ARHGEF3: variants seen among roughly 807,000 people sequenced by gnomAD.
The protein encoded by ARHGEF3 is Rho guanine nucleotide exchange factor 3, also known as 59.8 kDA protein.
A neutral mutation model predicts 63.2 loss-of-function variants in ARHGEF3; 28 were observed. The ratio of observed to expected loss-of-function variants is 0.44; its 90% CI spans 0.33 to 0.61. The LOEUF (loss-of-function observed/expected upper bound fraction) is 0.61. ARHGEF3 is among the 20% of genes least tolerant of loss of function. ARHGEF3 has a pLI of 0.03. For synonymous variants in ARHGEF3, 266 were observed against 254.2 expected, an observed-to-expected ratio of 1.05 and a Z score of -0.44; for missense variants, 533 against 659.3, an observed-to-expected ratio of 0.81 and a Z score of 2.10.
chr3:56,898,179 G>A (rs142438670), intron 3 of ARHGEF3, among the ~76,000 whole-genome samples: 83 of 152,186 alleles, frequency 5.5e-4, no homozygotes, highest in Admixed American at 9.8e-4. Flanking sequence ...CACCTGGCCT[G>A]TATCTATTTT....
intron 3 of ARHGEF3, among the ~76,000 whole-genome samples, chr3:56,939,228 A>G (rs1445375128): frequency 3.9e-5 from 6 of 152,178 alleles, no homozygotes; most frequent in South Asian, 4.1e-4. Flanking sequence ...AGGCAGAAAG[A>G]GAAATAAACC....
chr3:56,976,214 G>C lies in ARHGEF3; in HGVS notation c.63-17325C>G, dbSNP rs544866301. Among the ~76,000 whole-genome samples, 112 of 152,202 alleles carry C rather than the reference G, an allele frequency of 7.4e-4. No homozygotes were observed. In the Middle Eastern group the frequency reaches 0.02, roughly 28 times the overall value. On this transcript the variant is annotated intron_variant, in intron 2 of 12. Transcript: ENST00000338458. ...CCACCACCACACCTGGCTAATTTTT[G>C]TATTTTTTAGTAGAGACGGGGTTTC...
chr3:56,872,621 T>A (rs947274317), intron 4 of ARHGEF3, among the ~76,000 whole-genome samples: 2 of 151,710 alleles, frequency 1.3e-5, no homozygotes, highest in Non-Finnish European at 2.9e-5. Context: ...GCGACTCTCC[T>A]GCCTCAGCCT....
chr3:56,976,847 G>A (rs944674212), intron 2 of ARHGEF3, among the ~76,000 whole-genome samples: 2 of 152,136 alleles, frequency 1.3e-5, no homozygotes, highest in African/African-American at 4.8e-5. Flanking sequence ...GGAAGGTAAT[G>A]TCAAGGCCAC....
At chr3:57,000,485 T>C (rs2107016854) in intron 2 of ARHGEF3, among the ~76,000 whole-genome samples, 1 of 151,394 alleles carries the variant, frequency 6.6e-6, no homozygotes, top group Non-Finnish European at 1.5e-5. Flanking sequence ...TTTGTATTTT[T>C]TACCTTTACT....
intron 3 of ARHGEF3, among the ~76,000 whole-genome samples, chr3:56,958,494 A>G (rs73086395): frequency 0.12 from 17,541 of 151,622 alleles, 1,273 homozygotes; most frequent in East Asian, 0.26. Context: ...GTGCCCAGCT[A>G]ATTTTCATAT....
chr3:56,981,568 A>T (rs1701329277), intron 2 of ARHGEF3, among the ~76,000 whole-genome samples: 1 of 152,146 alleles, frequency 6.6e-6, no homozygotes. Flanking sequence ...AGGATCCATA[A>T]CCCTGTATTA....
intron 3 of ARHGEF3, among the ~76,000 whole-genome samples, chr3:56,947,583 C>T (rs540385571): frequency 6.6e-6 from 1 of 152,246 alleles, no homozygotes; most frequent in South Asian, 2.1e-4. Flanking sequence ...GCTAACTATC[C>T]TAAATATATA....
chr3:56,926,884 C>A (rs1348786818), intron 3 of ARHGEF3, among the ~76,000 whole-genome samples: 7 of 152,128 alleles, frequency 4.6e-5, no homozygotes, highest in Non-Finnish European at 5.9e-5. Context: ...GGGAGGAGTC[C>A]CCAGAATGAC....
chr3:57,018,432 A>G (rs907126858), intron 2 of ARHGEF3, among the ~76,000 whole-genome samples: 1 of 152,322 alleles, frequency 6.6e-6, no homozygotes, highest in South Asian at 2.1e-4. Flanking sequence ...GAACTACTCT[A>G]TAAGGTAGGT....
chr3:56,985,516 A>G (rs1228069421), intron 2 of ARHGEF3, among the ~76,000 whole-genome samples: 1 of 152,252 alleles, frequency 6.6e-6, no homozygotes. Context: ...TGACATATTC[A>G]TTCGCCGCCT....
At chr3:56,882,628 C>T (rs374555198) in intron 3 of ARHGEF3, among the ~76,000 whole-genome samples, 122 of 150,568 alleles carry the variant, frequency 8.1e-4, no homozygotes, top group African/African-American at 2.8e-3. Context: ...AAGCGATTCT[C>T]CTGCCTCAGC....
chr3:57,059,707 C>T (rs1031039385), intron 1 of ARHGEF3, among the ~76,000 whole-genome samples: 28 of 152,088 alleles, frequency 1.8e-4, no homozygotes, highest in African/African-American at 6.5e-4. Flanking sequence ...TTTAAAAAGA[C>T]GAAGAGGGGC....
At chr3:56,859,222 C>G (rs148828927) in intron 4 of ARHGEF3, among the ~76,000 whole-genome samples, 3 of 151,582 alleles carry the variant, frequency 2.0e-5, no homozygotes, top group Non-Finnish European at 1.5e-5. Context: ...ACTGCAAGCT[C>G]TGCCTCCCGG....
chr3:56,906,975 A>ATT (rs368006965), intron 3 of ARHGEF3, among the ~76,000 whole-genome samples: 12,655 of 72,058 alleles, frequency 0.18, 1,224 homozygotes, highest in Non-Finnish European at 0.2. Context: ...CTCACATTCT[A>ATT]TTTTTTTTTT....
At chr3:56,942,830 G>A (rs73086372) in intron 3 of ARHGEF3, among the ~76,000 whole-genome samples, 17,579 of 152,108 alleles carry the variant, frequency 0.12, 1,285 homozygotes, top group East Asian at 0.25. Flanking sequence ...GCTAATAGGG[G>A]GAAAGTTTGA....
At chr3:56,835,424 C>T (rs565841202) in intron 4 of ARHGEF3, among the ~76,000 whole-genome samples, 2 of 152,130 alleles carry the variant, frequency 1.3e-5, no homozygotes, top group Non-Finnish European at 2.9e-5. Context: ...GATCCACCCG[C>T]CTCGGCCTCC....
intron 1 of ARHGEF3, among the ~76,000 whole-genome samples, chr3:56,785,117 C>G (rs772064866): frequency 6.6e-6 from 1 of 152,166 alleles, no homozygotes; most frequent in Non-Finnish European, 1.5e-5. Context: ...AGGGACAAAG[C>G]TAGAGTTCCA....
At chr3:56,810,018 G>A (rs2038009216) in intron 4 of ARHGEF3, among the ~76,000 whole-genome samples, 1 of 152,056 alleles carries the variant, frequency 6.6e-6, no homozygotes, top group African/African-American at 2.4e-5. Context: ...GTCAGCCACC[G>A]TGCCTGGCCA....
Sources: allele counts gnomAD v4.1 joint callset (sites outside exome capture counted in the v4.1 genomes callset), GRCh38; gene constraint gnomAD v4.1.1; transcripts MANE v1.5; gene names NCBI Gene and HGNC (gene_info 2026-07-23, HGNC 2026-07-21).